CTNND2: variants seen among roughly 807,000 people sequenced by gnomAD.
The protein encoded by CTNND2 is catenin delta-2.
CTNND2 carries 22 observed loss-of-function variants against 144.4 expected under a neutral mutation model. The ratio of observed to expected loss-of-function variants is 0.15; its 90% CI spans 0.11 to 0.22. CTNND2 has a LOEUF of 0.22. CTNND2 is among the 10% of genes least tolerant of loss of function. The pLI, the probability that CTNND2 is intolerant of heterozygous loss-of-function variation, is 1.00. For synonymous variants in CTNND2, 751 were observed against 695.6 expected (o/e 1.08, Z -1.25); for missense variants, 1,353 against 1,618.8 (o/e 0.84, Z 2.82).
chr5:11,267,539 G>A (rs1267090684), intron 9 of CTNND2, among the ~76,000 whole-genome samples: 1 of 152,150 alleles, frequency 6.6e-6, no homozygotes, highest in African/African-American at 2.4e-5. Flanking sequence ...TAAGCAACTG[G>A]TTGTCTTTTC....
In CTNND2 at chr5:11,310,857, TCATA is replaced by T. The variant is rs201652426; in HGVS notation, c.1628+35511_1628+35514del. 5.2e-3 allele frequency among the ~76,000 whole-genome samples: 687 copies of T among 131,822 alleles called. 3 individuals are homozygous for T. Among genetic ancestry groups the T allele is most frequent in the African/African-American group, 0.018 (628 of 34,210 alleles). 86.5% of individuals were successfully genotyped at this position (131,822 alleles called of 152,430 possible). ...GCCCTTAACCCACACGTACTTACAC[TCATA>T]CACTCACTCTCCATGCACCCTCACC... On this transcript the variant is annotated intron_variant, in intron 9 of 21. Transcript: ENST00000304623.
At chr5:10,986,469 A>T (rs17772741) in intron 20 of CTNND2, among the ~76,000 whole-genome samples, 20 of 152,182 alleles carry the variant, frequency 1.3e-4, no homozygotes, top group African/African-American at 4.3e-4. Flanking sequence ...GCACATTGAA[A>T]GGGTCAGTTG....
At chr5:11,114,905 A>T (rs1580327032) in intron 13 of CTNND2, among the ~76,000 whole-genome samples, 1 of 151,480 alleles carries the variant, frequency 6.6e-6, no homozygotes, top group African/African-American at 2.4e-5. Flanking sequence ...ATACATTAAA[A>T]CCCAATAGCA....
intron 2 of CTNND2, among the ~76,000 whole-genome samples, chr5:11,698,012 G>A (rs1277561862): frequency 6.6e-6 from 1 of 152,172 alleles, no homozygotes; most frequent in African/African-American, 2.4e-5. Context: ...GCAGAAAGTA[G>A]GAGAGTTACA....
At chr5:11,092,717 C>T (rs1219589466) in intron 15 of CTNND2, among the ~76,000 whole-genome samples, 4 of 152,190 alleles carry the variant, frequency 2.6e-5, no homozygotes, top group Admixed American at 6.5e-5. Context: ...CACGATGCTT[C>T]GCGTTGTATT....
At chr5:11,839,357 T>A (rs1389827584) in intron 1 of CTNND2, among the ~76,000 whole-genome samples, 1 of 152,148 alleles carries the variant, frequency 6.6e-6, no homozygotes, top group Non-Finnish European at 1.5e-5. Context: ...CAAACTTAGG[T>A]TCATCCTGAT....
At position 11,318,458 on chromosome 5, in the gene CTNND2, T is replaced by C. The variant is rs533510635; in HGVS notation, c.1628+27914A>G. Reference sequence around the variant, plus strand: ...CAGTTCCACCTCCCTCTCCAGTCCATGCCCCCTCCCACGTACAGGATGGGC... The same window carrying C: ...CAGTTCCACCTCCCTCTCCAGTCCACGCCCCCTCCCACGTACAGGATGGGC... On this transcript the variant is annotated intron_variant, in intron 9 of 21. Coordinates refer to ENST00000304623, the MANE Select transcript of CTNND2 (RefSeq NM_001332.4). Among the ~76,000 whole-genome samples the C allele has an allele frequency of 2.4e-3, 361 of 152,248 alleles. 3 individuals are homozygous for C. Among genetic ancestry groups the C allele is most frequent in the South Asian group, 0.016 (78 of 4,826 alleles).
At chr5:11,267,407 C>A (rs559135029) in intron 9 of CTNND2, among the ~76,000 whole-genome samples, 1 of 152,288 alleles carries the variant, frequency 6.6e-6, no homozygotes, top group Admixed American at 6.5e-5. Flanking sequence ...TATTTTGGAT[C>A]TGCCTCTCCA....
chr5:11,138,270 T>C (rs1756355230), intron 12 of CTNND2, among the ~76,000 whole-genome samples: 1 of 152,310 alleles, frequency 6.6e-6, no homozygotes, highest in Non-Finnish European at 1.5e-5. Context: ...GTGATTAGAC[T>C]GGGCCCACTG....
At chr5:11,613,458 T>C (rs1323739979) in intron 2 of CTNND2, among the ~76,000 whole-genome samples, 3 of 152,224 alleles carry the variant, frequency 2.0e-5, no homozygotes, top group Non-Finnish European at 4.4e-5. Context: ...CATCATTTTA[T>C]GGTATTCAGA....
intron 9 of CTNND2, among the ~76,000 whole-genome samples, chr5:11,275,672 T>C (rs1746449402): frequency 6.6e-6 from 1 of 152,212 alleles, no homozygotes; most frequent in Non-Finnish European, 1.5e-5. Context: ...CCCTTAAACC[T>C]TTCTCAGTTC....
intron 12 of CTNND2, among the ~76,000 whole-genome samples, chr5:11,124,081 C>T (rs1754414592): frequency 6.6e-6 from 1 of 152,134 alleles, no homozygotes; most frequent in East Asian, 1.9e-4. Flanking sequence ...ATTACCTGCT[C>T]AGAAATTGAT....
intron 9 of CTNND2, among the ~76,000 whole-genome samples, chr5:11,336,304 A>G (rs1753717473): frequency 6.6e-6 from 1 of 152,206 alleles, no homozygotes; most frequent in Non-Finnish European, 1.5e-5. Flanking sequence ...AGGTCTCTGA[A>G]AGGCATAGTG....
At chr5:11,224,133 T>G (rs1325628923) in intron 10 of CTNND2, among the ~76,000 whole-genome samples, 6 of 152,132 alleles carry the variant, frequency 3.9e-5, no homozygotes, top group Admixed American at 6.5e-5. Flanking sequence ...GCAGCGGTAT[T>G]TGTCCTCTTT....
At chr5:11,414,366 G>A (rs868210212) in intron 3 of CTNND2, among the ~76,000 whole-genome samples, 7 of 152,086 alleles carry the variant, frequency 4.6e-5, no homozygotes, top group South Asian at 2.1e-4. Context: ...AAAAGTTCTC[G>A]TGTTATGTCC....
chr5:11,359,792 G>A (rs879830077), intron 8 of CTNND2, among the ~76,000 whole-genome samples: 1 of 152,194 alleles, frequency 6.6e-6, no homozygotes, highest in Non-Finnish European at 1.5e-5. Flanking sequence ...GCAGACGTAG[G>A]TCTGGGGCAG....
At chr5:11,619,582 T>C (rs545972551) in intron 2 of CTNND2, among the ~76,000 whole-genome samples, 5 of 152,302 alleles carry the variant, frequency 3.3e-5, no homozygotes, top group Admixed American at 6.5e-5. Context: ...AGAAGCCATA[T>C]GCACTCTCTA....
chr5:11,768,507 C>G (rs1381785151), intron 1 of CTNND2, among the ~76,000 whole-genome samples: 1 of 152,068 alleles, frequency 6.6e-6, no homozygotes, highest in Non-Finnish European at 1.5e-5. Context: ...GCCAGGCTGG[C>G]CTTAAACTCC....
rs531661710 is a variant in CTNND2, at chr5:11,117,076, A to T, written c.2277+374T>A. 5.1e-3 allele frequency among the ~76,000 whole-genome samples: 554 copies of T among 108,620 alleles called. 6 individuals are homozygous for T. The highest frequency in any genetic ancestry group is 0.024 in the African/African-American group (526 of 21,472). The allele number at this position is 108,620 out of a possible 152,430, so 71.3% of individuals were successfully genotyped here. On this transcript the variant is annotated intron_variant, in intron 13 of 21. Transcript: ENST00000304623. Reference sequence around the variant, plus strand: ...AGAGCGAGACTCTGTCTCAAAAAATAAAAAAAAAAAGCAGGTAGTTTTAAC... The same window carrying T: ...AGAGCGAGACTCTGTCTCAAAAAATTAAAAAAAAAAGCAGGTAGTTTTAAC...
Sources: allele counts gnomAD v4.1 joint callset (sites outside exome capture counted in the v4.1 genomes callset), GRCh38; gene constraint gnomAD v4.1.1; transcripts MANE v1.5; gene names NCBI Gene and HGNC (gene_info 2026-07-23, HGNC 2026-07-21).